The following AFTPH variants were observed in gnomAD, a reference collection of about 807,000 sequenced individuals.
AFTPH encodes the protein aftiphilin.
AFTPH carries 7 observed loss-of-function variants against 72.5 expected under a neutral mutation model. That is an observed-to-expected ratio of 0.10 (90% CI 0.05 to 0.18). The LOEUF (loss-of-function observed/expected upper bound fraction) is 0.18, where lower values mean the gene tolerates loss of function less well. Ranked by LOEUF, AFTPH falls within the 10% of genes least tolerant of loss-of-function variation. The pLI is 1.00. For synonymous variants in AFTPH, 337 were observed against 370.1 expected, an observed-to-expected ratio of 0.91 and a Z score of 1.03; for missense variants, 979 against 1,060.5, an observed-to-expected ratio of 0.92 and a Z score of 1.07.
At chr2:64,572,546 C>T (rs1384919321) in intron 5 of AFTPH, among the ~76,000 whole-genome samples, 1 of 152,128 alleles carries the variant, frequency 6.6e-6, no homozygotes, top group Non-Finnish European at 1.5e-5. Flanking sequence ...CCACCCATCC[C>T]GAGTTGGTGC....
At chr2:64,550,292 C>G (rs553264379) in intron 1 of AFTPH, among the ~76,000 whole-genome samples, 1 of 152,176 alleles carries the variant, frequency 6.6e-6, no homozygotes, top group South Asian at 2.1e-4. Context: ...CTCAGCTACC[C>G]AGGAGGCTGA....
chr2:64,580,966 T>G (rs1673162017), intron 7 of AFTPH: 11 of 342,038 alleles, frequency 3.2e-5, no homozygotes, highest in Admixed American at 9.6e-5. Context: ...ACATTGTACA[T>G]GAGAAAATGT....
At chr2:64,555,978 C>G (rs539818346) in intron 2 of AFTPH, among the ~76,000 whole-genome samples, 2 of 141,392 alleles carry the variant, frequency 1.4e-5, no homozygotes, top group African/African-American at 6.0e-5. Flanking sequence ...TGGAACAGCA[C>G]GAATTCCTCA....
intron 6 of AFTPH, among the ~76,000 whole-genome samples, chr2:64,575,663 C>T (rs1313950735): frequency 6.6e-6 from 1 of 151,616 alleles, no homozygotes; most frequent in Non-Finnish European, 1.5e-5. Context: ...TCTAAAGAGT[C>T]TCTTTACAGA....
At chr2:64,580,401 T>A (rs1673120245) in intron 7 of AFTPH, 1 of 152,656 alleles carries the variant, frequency 6.6e-6, no homozygotes, top group Non-Finnish European at 1.5e-5. Context: ...CCAATTGAAT[T>A]AATATAGTGC....
intron 5 of AFTPH, 149 bp downstream of exon 5, chr2:64,569,828 A>T (rs561292397): frequency 8.8e-5 from 54 of 611,022 alleles, no homozygotes; most frequent in Non-Finnish European, 1.5e-4. Context: ...GATCTCATAA[A>T]TCCCATCAAA....
At chr2:64,585,052 G>A (rs914980344) in intron 7 of AFTPH, among the ~76,000 whole-genome samples, 18 of 152,160 alleles carry the variant, frequency 1.2e-4, no homozygotes, top group African/African-American at 4.3e-4. Flanking sequence ...AAAATGGGGT[G>A]TCACATCATG....
At chr2:64,555,555 TCACACACACACACACACACACACACA>T (rs111905151) in intron 2 of AFTPH, among the ~76,000 whole-genome samples, 4 of 140,870 alleles carry the variant, frequency 2.8e-5, no homozygotes, top group South Asian at 4.7e-4. Flanking sequence ...AGAGAGACTG[TCACACACACACACACACACACACACA>T]CACACACACA....
At chr2:64,561,796 T>C (rs1167868719) in intron 2 of AFTPH, among the ~76,000 whole-genome samples, 1 of 152,266 alleles carries the variant, frequency 6.6e-6, no homozygotes, top group Non-Finnish European at 1.5e-5. Context: ...TACCTTCATA[T>C]TCAGAATGCA....
chr2:64,586,936 C>T (rs781251986), intron 8 of AFTPH, among the ~76,000 whole-genome samples: 10 of 152,148 alleles, frequency 6.6e-5, no homozygotes, highest in Non-Finnish European at 1.3e-4. Flanking sequence ...TTGGGTTTCC[C>T]CCTGCTATTT....
chr2:64,573,346 G>T (rs1186353124), intron 6 of AFTPH, among the ~76,000 whole-genome samples: 5 of 151,324 alleles, frequency 3.3e-5, no homozygotes, highest in Non-Finnish European at 7.4e-5. Context: ...AAATTGAAGG[G>T]TTTAAAACAG....
chr2:64,582,398 AG>A (rs759694947), intron 7 of AFTPH, among the ~76,000 whole-genome samples: 12 of 152,218 alleles, frequency 7.9e-5, no homozygotes, highest in Non-Finnish European at 1.6e-4. Context: ...ATTCTGCTGC[AG>A]GGAAGTTCCA....
At chr2:64,533,332 G>A (rs570378154) in intron 1 of AFTPH, among the ~76,000 whole-genome samples, 4 of 152,234 alleles carry the variant, frequency 2.6e-5, no homozygotes, top group South Asian at 2.1e-4. Flanking sequence ...TCAGGAGGTC[G>A]AGGCTGCAGT....
At chr2:64,545,285 A>G (rs533143618) in intron 1 of AFTPH, among the ~76,000 whole-genome samples, 4 of 152,186 alleles carry the variant, frequency 2.6e-5, no homozygotes, top group African/African-American at 9.6e-5. Context: ...TGTACTTACC[A>G]TGATACCCAG....
chr2:64,543,355 T>C (rs767835758), intron 1 of AFTPH, among the ~76,000 whole-genome samples: 5 of 152,248 alleles, frequency 3.3e-5, no homozygotes, highest in Non-Finnish European at 7.3e-5. Flanking sequence ...TGGTATTCTT[T>C]TGATGAAGAG....
intron 1 of AFTPH, among the ~76,000 whole-genome samples, chr2:64,547,324 C>T (rs6731669): frequency 6.6e-6 from 1 of 152,102 alleles, no homozygotes; most frequent in Non-Finnish European, 1.5e-5. Context: ...TGTAGGCTGT[C>T]TCTCAGTTTG....
At chr2:64,537,821 G>A (rs36042763) in intron 1 of AFTPH, among the ~76,000 whole-genome samples, 244 of 152,260 alleles carry the variant, frequency 1.6e-3, no homozygotes, top group African/African-American at 2.1e-3. Flanking sequence ...TACTTGGTTC[G>A]TTGAAATAAT....
intron 1 of AFTPH, among the ~76,000 whole-genome samples, chr2:64,548,415 A>AG (rs1478791124): frequency 3.4e-5 from 5 of 148,492 alleles, no homozygotes; most frequent in Admixed American, 3.3e-4. Context: ...AAGAAAAAAA[A>AG]AAAAAAAAAA....
intron 1 of AFTPH, among the ~76,000 whole-genome samples, chr2:64,534,747 T>G (rs1669797570): frequency 2.0e-5 from 3 of 151,980 alleles, no homozygotes. Flanking sequence ...AGCTTGTTTT[T>G]TTTTTTTTTC....
Sources: gnomAD v4.1 joint callset for allele counts (sites outside exome capture counted in the v4.1 genomes callset) on GRCh38, gnomAD v4.1.1 for gene constraint, MANE v1.5 for transcripts, NCBI Gene and HGNC (gene_info 2026-07-23, HGNC 2026-07-21) for gene names.